KCNN2: variants seen among roughly 807,000 people sequenced by gnomAD.
KCNN2 encodes the protein potassium calcium-activated channel subfamily N member 2.
KCNN2 carries 24 observed loss-of-function variants against 55.5 expected under a neutral mutation model. The observed-to-expected ratio is 0.43, with a 90% confidence interval of 0.31 to 0.61. The LOEUF is 0.61. Among genes scored for constraint, KCNN2 ranks in the 20% least tolerant of loss-of-function variants. KCNN2 has a pLI of 0.08. For synonymous variants in KCNN2, 431 were observed against 336.1 expected (o/e 1.28, Z -3.09); for missense variants, 754 against 853.6 (o/e 0.88, Z 1.45).
At chr5:114,478,806 A>G (rs1405286210) in intron 5 of KCNN2, among the ~76,000 whole-genome samples, 1 of 152,158 alleles carries the variant, frequency 6.6e-6, no homozygotes, top group Admixed American at 6.5e-5. Context: ...TAAGCTTCGT[A>G]AGTGAAGGAG....
intron 1 of KCNN2, among the ~76,000 whole-genome samples, chr5:114,202,583 ATATT>A (rs1753694889): frequency 1.8e-5 from 1 of 55,404 alleles, no homozygotes; most frequent in African/African-American, 5.3e-5. Flanking sequence ...ATATATATAT[ATATT>A]TTTTTTTTTT....
At chr5:114,264,038 A>G (rs1429586696) in intron 2 of KCNN2, among the ~76,000 whole-genome samples, 1 of 152,180 alleles carries the variant, frequency 6.6e-6, no homozygotes, top group Non-Finnish European at 1.5e-5. Context: ...GAGGAAATGG[A>G]TGTGAACCTG....
At chr5:114,277,783 A>G (rs10064926) in intron 2 of KCNN2, among the ~76,000 whole-genome samples, 35,641 of 152,106 alleles carry the variant, frequency 0.23, 5,092 homozygotes, top group Non-Finnish European at 0.32. Flanking sequence ...GGGTTAGAAC[A>G]TGCTCCTTTA....
chr5:114,340,129 A>AT (rs957585977), intron 2 of KCNN2, among the ~76,000 whole-genome samples: 8 of 151,870 alleles, frequency 5.3e-5, no homozygotes, highest in Middle Eastern at 3.4e-3. Context: ...GTAGGAGTCA[A>AT]TTTTTTTTGC....
intron 1 of KCNN2, among the ~76,000 whole-genome samples, chr5:114,198,835 T>A (rs1753613115): frequency 6.6e-6 from 1 of 152,130 alleles, no homozygotes; most frequent in Admixed American, 6.5e-5. Flanking sequence ...TAAGACTTGT[T>A]TTGTAGCCTA....
chr5:114,363,806 A>C (rs527898442), intron 1 of KCNN2, 100 bp from the exon 2 acceptor site: 113 of 782,990 alleles, frequency 1.4e-4, no homozygotes, highest in South Asian at 4.7e-4. Context: ...TCCTTCTGTG[A>C]GTTCAGGTCC....
intron 2 of KCNN2, among the ~76,000 whole-genome samples, chr5:114,248,977 T>C (rs1400423317): frequency 6.6e-6 from 1 of 152,162 alleles, no homozygotes; most frequent in Non-Finnish European, 1.5e-5. Flanking sequence ...CAGATTGTCC[T>C]GGTAAAAACT....
At chr5:114,266,088 T>G (rs1755203500) in intron 2 of KCNN2, among the ~76,000 whole-genome samples, 1 of 152,208 alleles carries the variant, frequency 6.6e-6, no homozygotes, top group Admixed American at 6.5e-5. Context: ...TAATAAATTT[T>G]AAGTTTATTT....
At chr5:114,360,451 G>T (rs1179841726), upstream of KCNN2, among the ~76,000 whole-genome samples, 1 of 152,100 alleles carries the variant, frequency 6.6e-6, no homozygotes, top group African/African-American at 2.4e-5. Flanking sequence ...GGTCTAACTC[G>T]TTGTAATAGT....
chr5:114,365,666 C>G (rs1010022066), intron 2 of KCNN2, among the ~76,000 whole-genome samples: 1 of 152,166 alleles, frequency 6.6e-6, no homozygotes, highest in Non-Finnish European at 1.5e-5. Flanking sequence ...AACTGTGAAA[C>G]GTGAATATTT....
At chr5:114,371,517 C>T (rs1228023492) in intron 2 of KCNN2, among the ~76,000 whole-genome samples, 2 of 152,082 alleles carry the variant, frequency 1.3e-5, no homozygotes, top group Non-Finnish European at 2.9e-5. Flanking sequence ...ACCAAGGTCT[C>T]TTAACATGGG....
intron 3 of KCNN2, among the ~76,000 whole-genome samples, chr5:114,410,277 G>A (rs1306864006): frequency 1.3e-5 from 2 of 152,150 alleles, no homozygotes; most frequent in Non-Finnish European, 2.9e-5. Flanking sequence ...TAAAGATAGC[G>A]TACGTAGGCA....
chr5:114,268,937 CGGGGGTGG>C (rs1377167877), intron 2 of KCNN2, among the ~76,000 whole-genome samples: 3 of 151,658 alleles, frequency 2.0e-5, no homozygotes, highest in Non-Finnish European at 4.4e-5. Flanking sequence ...CCATCTGTCT[CGGGGGTGG>C]GGGGGTTCTC....
At chr5:114,243,512 C>T (rs985656137) in intron 2 of KCNN2, among the ~76,000 whole-genome samples, 2 of 152,002 alleles carry the variant, frequency 1.3e-5, no homozygotes, top group African/African-American at 2.4e-5. Context: ...ATGCTACTGG[C>T]CCATTAATCA....
At chr5:114,213,393 T>C (rs892743886) in intron 1 of KCNN2, among the ~76,000 whole-genome samples, 2 of 151,374 alleles carry the variant, frequency 1.3e-5, no homozygotes, top group Admixed American at 6.6e-5. Flanking sequence ...TCTTCCTTGG[T>C]TTCTCTTTTT....
At chr5:114,109,055 G>A (rs1165741736) in intron 1 of KCNN2, among the ~76,000 whole-genome samples, 1 of 152,080 alleles carries the variant, frequency 6.6e-6, no homozygotes, top group African/African-American at 2.4e-5. Context: ...TCTTGGCAGA[G>A]ATTAGCTCAG....
intron 1 of KCNN2, among the ~76,000 whole-genome samples, chr5:114,213,380 C>A (rs1182836726): frequency 1.3e-5 from 2 of 151,724 alleles, no homozygotes; most frequent in African/African-American, 4.8e-5. Flanking sequence ...TAACACATCT[C>A]CCTCTTCCTT....
rs1258550630 is a variant in KCNN2, at chr5:114,241,739, TAC to T, written c.-185+20175_-185+20176del. Among the ~76,000 whole-genome samples, 180 of 27,136 alleles carry T rather than the reference TAC, an allele frequency of 6.6e-3. 14 individuals carry two copies. The highest frequency in any genetic ancestry group is 0.022 in the African/African-American group (175 of 7,912). 17.8% of individuals were successfully genotyped at this position (27,136 alleles called of 152,430 possible). ...ATATATACGTATATATATACATATA[TAC>T]GTATATATATGTATATATATACGTA... On this transcript the variant is annotated intron_variant, in intron 2 of 10. Coordinates refer to the KCNN2 transcript ENST00000512097.
chr5:114,474,882 A>C (rs1274218916), intron 5 of KCNN2, among the ~76,000 whole-genome samples: 1 of 152,084 alleles, frequency 6.6e-6, no homozygotes, highest in Non-Finnish European at 1.5e-5. Context: ...TTTGCCTGTA[A>C]ATCTTAACAG....
Sources: allele counts gnomAD v4.1 joint callset (sites outside exome capture counted in the v4.1 genomes callset), GRCh38; gene constraint gnomAD v4.1.1; transcripts MANE v1.5; gene names NCBI Gene and HGNC (gene_info 2026-07-23, HGNC 2026-07-21).